The following HMBOX1 variants were observed in gnomAD, a reference collection of about 807,000 sequenced individuals.
HMBOX1 encodes homeobox containing 1.
In HMBOX1, 14 loss-of-function variants were observed where a neutral mutation model predicts 54.5. The ratio of observed to expected loss-of-function variants is 0.26; its 90% CI spans 0.17 to 0.40. The LOEUF (loss-of-function observed/expected upper bound fraction) is 0.40, where lower values mean the gene tolerates loss of function less well. HMBOX1 is among the 10% of genes least tolerant of loss of function. HMBOX1 has a pLI of 1.00. For synonymous variants in HMBOX1, 160 were observed against 181.0 expected (o/e 0.88, Z 0.93); for missense variants, 332 against 514.4 (o/e 0.65, Z 3.43).
At chr8:29,007,317 G>A (rs1833607467) in intron 4 of HMBOX1, among the ~76,000 whole-genome samples, 1 of 151,798 alleles carries the variant, frequency 6.6e-6, no homozygotes, top group Non-Finnish European at 1.5e-5. Context: ...AAAAAAAGTA[G>A]TATTAAAAAA....
chr8:28,932,018 TAA>T (rs1819557732), intron 1 of HMBOX1, among the ~76,000 whole-genome samples: 1 of 152,218 alleles, frequency 6.6e-6, no homozygotes, highest in Non-Finnish European at 1.5e-5. Context: ...TAGAAGCATA[TAA>T]GTCAGGGTTA....
In HMBOX1 at chr8:28,973,568, A is replaced by G. The variant is rs189814784; in HGVS notation, c.500+3049A>G. Among the ~76,000 whole-genome samples the G allele has an allele frequency of 2.0e-3, 302 of 152,144 alleles. 1 individual carries two copies. The highest frequency in any genetic ancestry group is 6.8e-3 in the Middle Eastern group (2 of 294). ...GAGTATTCTGTGCCCTTTTAGGAAT[A>G]TACTGCCCTTGCTGATCACTAGATG... On this transcript the variant is annotated intron_variant, in intron 3 of 9. Transcript: ENST00000287701.
At chr8:29,006,287 C>A (rs1208119557) in intron 4 of HMBOX1, among the ~76,000 whole-genome samples, 2 of 152,148 alleles carry the variant, frequency 1.3e-5, no homozygotes, top group Non-Finnish European at 2.9e-5. Flanking sequence ...GCCACTGCGC[C>A]TGGCCGATGC....
chr8:28,905,367 A>C lies in HMBOX1; in HGVS notation c.-58+14689A>C, dbSNP rs111793965. Among the ~76,000 whole-genome samples, 246 of 152,178 alleles carry C rather than the reference A, an allele frequency of 1.6e-3. 2 individuals are homozygous for C. The Middle Eastern group carries it at 0.017, about 11-fold the overall frequency. On this transcript the variant is annotated intron_variant, in intron 1 of 9. Transcript: ENST00000287701. ...CACACACACGCACGCACACACACAC[A>C]CACACGCAGAGAGAGAGAGAGAAGC...
At chr8:28,989,910 G>A (rs192374002) in intron 4 of HMBOX1, among the ~76,000 whole-genome samples, 1 of 151,954 alleles carries the variant, frequency 6.6e-6, no homozygotes, top group Admixed American at 6.6e-5. Flanking sequence ...CAGTGTACAC[G>A]TTTTGTACAC....
intron 1 of HMBOX1, among the ~76,000 whole-genome samples, chr8:28,943,711 T>C (rs762173723): frequency 2.6e-5 from 4 of 152,222 alleles, no homozygotes; most frequent in Non-Finnish European, 5.9e-5. Context: ...TATGTCTCTT[T>C]CACAGTATAA....
At chr8:28,943,507 AG>A (rs1821841648) in intron 1 of HMBOX1, among the ~76,000 whole-genome samples, 1 of 152,194 alleles carries the variant, frequency 6.6e-6, no homozygotes, top group African/African-American at 2.4e-5. Context: ...CTCCTGGTAC[AG>A]GGAGGGCACC....
chr8:28,928,200 T>C (rs1457861101), intron 1 of HMBOX1, among the ~76,000 whole-genome samples: 2 of 152,076 alleles, frequency 1.3e-5, no homozygotes, highest in East Asian at 1.9e-4. Context: ...CAGGGTGTTA[T>C]GCATACCAGT....
At chr8:28,908,365 T>A (rs926960484) in intron 1 of HMBOX1, among the ~76,000 whole-genome samples, 1 of 152,214 alleles carries the variant, frequency 6.6e-6, no homozygotes, top group Admixed American at 6.5e-5. Context: ...AAGGGAAGAA[T>A]TGACATTAAT....
At chr8:28,909,035 T>C (rs1814892949) in intron 1 of HMBOX1, among the ~76,000 whole-genome samples, 2 of 150,104 alleles carry the variant, frequency 1.3e-5, no homozygotes, top group Non-Finnish European at 3.0e-5. Flanking sequence ...TTGGAGCCTG[T>C]GGTGAGCTAT....
chr8:28,970,941 T>TG lies in HMBOX1; in HGVS notation c.500+426dup, dbSNP rs1827276230. ...CAACATTCCAATCAAGAAAATAATTTGGGGTACCTATTATATAGGTTCTAA... is the reference window on the plus strand; with the variant it reads ...CAACATTCCAATCAAGAAAATAATTTGGGGGTACCTATTATATAGGTTCTAA... On this transcript the variant is annotated intron_variant, in intron 3 of 9. Coordinates refer to ENST00000287701, the MANE Select transcript of HMBOX1 (RefSeq NM_001135726.3). The surrounding 1 kb of genome is among the most constrained non-coding windows in gnomAD (Gnocchi z 4.3). 6.7e-6 allele frequency among the ~76,000 whole-genome samples: 1 copy of TG among 150,354 alleles called. No individual in the cohort carries two copies. Among genetic ancestry groups the TG allele is most frequent in the Non-Finnish European group, 1.5e-5 (1 of 67,742 alleles).
At chr8:29,003,122 TGA>T (rs1428900185) in intron 4 of HMBOX1, among the ~76,000 whole-genome samples, 1 of 149,416 alleles carries the variant, frequency 6.7e-6, no homozygotes, top group African/African-American at 2.5e-5. Context: ...AGGAGAGGAG[TGA>T]GAGTACAGTC....
intron 6 of HMBOX1, among the ~76,000 whole-genome samples, chr8:29,021,788 A>T (rs1801209797): frequency 6.7e-6 from 1 of 149,346 alleles, no homozygotes; most frequent in African/African-American, 2.5e-5. Context: ...TGAACCCAGG[A>T]GGCAGAGCTT....
chr8:28,954,458 A>G (rs1824043266), intron 1 of HMBOX1, among the ~76,000 whole-genome samples: 1 of 152,158 alleles, frequency 6.6e-6, no homozygotes, highest in South Asian at 2.1e-4. Flanking sequence ...GCTTTCTTCC[A>G]GAAGCCTTAC....
At chr8:29,034,645 C>T (rs948255085) in intron 6 of HMBOX1, among the ~76,000 whole-genome samples, 1 of 152,226 alleles carries the variant, frequency 6.6e-6, no homozygotes, top group Non-Finnish European at 1.5e-5. Context: ...GACCGGAGGT[C>T]AGGAGTTCAA....
chr8:28,954,882 C>T (rs1174376472), intron 1 of HMBOX1, among the ~76,000 whole-genome samples: 2 of 152,078 alleles, frequency 1.3e-5, no homozygotes, highest in Non-Finnish European at 2.9e-5. Context: ...TTTTTCTGTA[C>T]CTTATACAGT....
intron 1 of HMBOX1, among the ~76,000 whole-genome samples, chr8:28,905,575 T>C (rs1814169896): frequency 6.6e-6 from 1 of 152,226 alleles, no homozygotes; most frequent in Non-Finnish European, 1.5e-5. Context: ...TTCACAAATC[T>C]TTAGGTATTT....
At chr8:29,017,426 G>A (rs1265065214) in intron 5 of HMBOX1, among the ~76,000 whole-genome samples, 2 of 152,210 alleles carry the variant, frequency 1.3e-5, no homozygotes, top group Non-Finnish European at 2.9e-5. Flanking sequence ...GTGAGGAGCC[G>A]TCTTTGAAAC....
At chr8:29,023,982 G>T (rs1205111905) in intron 6 of HMBOX1, among the ~76,000 whole-genome samples, 1 of 152,024 alleles carries the variant, frequency 6.6e-6, no homozygotes, top group Non-Finnish European at 1.5e-5. Flanking sequence ...TCACTGTTTT[G>T]TTATCTATCG....
Sources: gnomAD v4.1 joint callset for allele counts (sites outside exome capture counted in the v4.1 genomes callset) on GRCh38, gnomAD v4.1.1 for gene constraint, Gnocchi (gnomAD v3.1) non-coding constraint, MANE v1.5 for transcripts, NCBI Gene and HGNC (gene_info 2026-07-23, HGNC 2026-07-21) for gene names.